TTC19: variants seen among roughly 807,000 people sequenced by gnomAD.
TTC19 encodes the protein tetratricopeptide repeat domain 19, also known as tetratricopeptide repeat protein 19, mitochondrial.
TTC19 carries 38 observed loss-of-function variants against 49.5 expected under a neutral mutation model. The ratio of observed to expected loss-of-function variants is 0.77; its 90% CI spans 0.59 to 1.01. TTC19 has a LOEUF of 1.01. TTC19 is among the 50% of genes least tolerant of loss of function. The pLI, the probability that TTC19 is intolerant of heterozygous loss-of-function variation, is 0.00. For missense variants in TTC19, 475 were observed against 477.7 expected, an observed-to-expected ratio of 0.99 and a Z score of 0.05; for synonymous variants, 204 against 185.2, an observed-to-expected ratio of 1.10 and a Z score of -0.83.
In TTC19 at chr17:16,003,834, G is replaced by T; in HGVS notation, c.466G>T (p.Glu156Ter). 2 of 1,613,742 alleles carry T rather than the reference G, an allele frequency of 1.2e-6. No individual in the cohort carries two copies. Among genetic ancestry groups the T allele is most frequent in the South Asian group, 2.2e-5 (2 of 90,996 alleles). The change falls in exon 5 of 10, where the codon GAA (glutamate) becomes TAA (stop). Residue 156 changes from glutamate to a stop codon, truncating the protein, a stop_gained. Transcript: ENST00000261647. LOFTEE classifies it high-confidence loss of function. ...AATCTTTTCCTTATGCTTTTAGGCTGAACAACTTTTTAAAGCAACAATGAG... is the reference window on the plus strand; with the variant it reads ...AATCTTTTCCTTATGCTTTTAGGCTTAACAACTTTTTAAAGCAACAATGAG... ...AFIRGQLENA[E>*]QLFKATMSYL...
chr17:16,003,845 T>G lies in TTC19; in HGVS notation c.477T>G (p.Phe159Leu). 6.2e-7 allele frequency: 1 copy of G among 1,613,988 alleles called. No homozygotes were observed. Among genetic ancestry groups the G allele is most frequent in the Non-Finnish European group, 8.5e-7 (1 of 1,179,918 alleles). ...TATGCTTTTAGGCTGAACAACTTTTTAAAGCAACAATGAGTTACCTCCTTG... is the reference window on the plus strand; with the variant it reads ...TATGCTTTTAGGCTGAACAACTTTTGAAAGCAACAATGAGTTACCTCCTTG... The part of the protein sequence containing the change: ...RGQLENAEQL[F>L]KATMSYLLGG... The change falls in exon 5 of 10, where the codon TTT becomes TTG. Residue 159 changes from phenylalanine (F) to leucine (L), a missense_variant. By Grantham distance (22) the Phe-to-Leu change is conservative (BLOSUM62 0). Coordinates refer to ENST00000261647, the MANE Select transcript of TTC19 (RefSeq NM_017775.4).
At chr17:16,008,243 A>G (rs901919532) in intron 7 of TTC19, among the ~76,000 whole-genome samples, 2 of 152,204 alleles carry the variant, frequency 1.3e-5, no homozygotes, top group Non-Finnish European at 2.9e-5. Flanking sequence ...ATGATTGCCC[A>G]CCCGACATCT....
chr17:16,002,719 G>A, intron 3 of TTC19, 74 bp from the exon 4 acceptor site: 3 of 1,442,078 alleles, frequency 2.1e-6, no homozygotes, highest in South Asian at 1.1e-5. Context: ...GAAAGCAAAA[G>A]GGAATTTTAA....
chr17:16,039,934 G>A, intron 2 of TTC19: 2 of 414,500 alleles, frequency 4.8e-6, no homozygotes, highest in Non-Finnish European at 9.0e-6. Context: ...GGGACTACAG[G>A]CACCCACCAC....
At chr17:16,004,102 CTG>C in intron 5 of TTC19, 97 bp from the exon 6 acceptor site, 6 of 1,272,096 alleles carry the variant, frequency 4.7e-6, no homozygotes, top group East Asian at 2.3e-5. Flanking sequence ...AGAATAAAGA[CTG>C]TGGCTTTGAG....
At chr17:16,029,456 C>G (rs1448252603), downstream of TTC19, 1 of 285,220 alleles carries the variant, frequency 3.5e-6, no homozygotes, top group Non-Finnish European at 6.9e-6. Context: ...TAGAATCACT[C>G]AGTGTACCAA....
In TTC19 at chr17:16,028,061, C is replaced by T; in HGVS notation, c.*539C>T. The T allele has an allele frequency of 2.2e-6, 1 of 454,082 alleles. No individual in the cohort carries two copies. Among genetic ancestry groups the T allele is most frequent in the Non-Finnish European group, 4.4e-6 (1 of 226,782 alleles). 28.1% of individuals were successfully genotyped at this position (454,082 alleles called of 1,614,324 possible). A position where few individuals can be genotyped will look rare whatever the true frequency, so the allele number is the denominator to read the frequency against. ...AAGAGAAAAATATCTTAGTTTGCTACCAGCATCCAGCATGAAGTTGTAAAG... is the reference window on the plus strand; with the variant it reads ...AAGAGAAAAATATCTTAGTTTGCTATCAGCATCCAGCATGAAGTTGTAAAG... On this transcript the variant is annotated 3_prime_UTR_variant, in exon 10 of 10. Coordinates refer to ENST00000261647, the MANE Select transcript of TTC19 (RefSeq NM_017775.4).
At chr17:16,000,274 C>G in intron 2 of TTC19, 29 bp downstream of exon 2, 2 of 1,592,552 alleles carry the variant, frequency 1.3e-6, no homozygotes, top group Non-Finnish European at 1.7e-6. Context: ...CTGCGCCCGG[C>G]CGAGCGCGGT....
intron 7 of TTC19, 139 bp downstream of exon 7, chr17:16,006,707 C>T (rs1970919554): frequency 3.2e-6 from 2 of 622,292 alleles, no homozygotes; most frequent in Non-Finnish European, 2.9e-6. Flanking sequence ...TTTAAGGTAT[C>T]AGCAGAAGTT....
In TTC19 at chr17:16,028,740, G is replaced by A. The variant is rs997565243; in HGVS notation, c.*1218G>A. On this transcript the variant is annotated 3_prime_UTR_variant, in exon 10 of 10. Coordinates refer to ENST00000261647, the MANE Select transcript of TTC19 (RefSeq NM_017775.4). ...ATAAACTGATACTTTTGGTTCGTAT[G>A]TACATACTGGAAGAATCTTCATAAT... 4.9e-6 allele frequency: 2 copies of A among 407,806 alleles called. No homozygotes were observed. The highest frequency in any genetic ancestry group is 9.4e-6 in the Non-Finnish European group (2 of 212,482). 25.3% of individuals were successfully genotyped at this position (407,806 alleles called of 1,614,324 possible).
intron 9 of TTC19, 25 bp downstream of exon 9, chr17:16,026,727 G>C: frequency 6.2e-7 from 1 of 1,613,136 alleles, no homozygotes; most frequent in East Asian, 2.2e-5. Context: ...AAACTTAACT[G>C]ACTTGCTTTA....
intron 7 of TTC19, among the ~76,000 whole-genome samples, chr17:16,018,845 AAAAGT>A (rs951858800): frequency 3.9e-5 from 6 of 152,212 alleles, no homozygotes; most frequent in African/African-American, 1.4e-4. Context: ...GATTTCAAAC[AAAAGT>A]AAAGTTTTGA....
downstream of TTC19, among the ~76,000 whole-genome samples, chr17:16,033,192 G>A (rs1263409239): frequency 2.6e-5 from 4 of 151,928 alleles, no homozygotes; most frequent in East Asian, 3.9e-4. Context: ...AAAATTAGCC[G>A]GGTGTGGTGG....
rs566188707 is a variant in TTC19 at position 16,018,996 on chromosome 17, AGTTTGGTTTT to A, written c.677-6015_677-6006del. Among the ~76,000 whole-genome samples the A allele has an allele frequency of 2.8e-3, 431 of 152,106 alleles. 3 individuals are homozygous for A. Among genetic ancestry groups the A allele is most frequent in the African/African-American group, 9.6e-3 (398 of 41,488 alleles). ...CTGCCTAGGGGTAGCTACTATCCTG[AGTTTGGTTTT>A]GTTTGCCTACTTATTGCACTTGTAT... On this transcript the variant is annotated intron_variant, in intron 7 of 9. Transcript: ENST00000261647.
At chr17:16,037,318 C>G (rs1189880129) in intron 2 of TTC19, among the ~76,000 whole-genome samples, 1 of 151,792 alleles carries the variant, frequency 6.6e-6, no homozygotes, top group African/African-American at 2.4e-5. Flanking sequence ...TGAGAATTAC[C>G]AAAATATGAC....
downstream of TTC19, among the ~76,000 whole-genome samples, chr17:16,033,640 C>T (rs977142444): frequency 9.0e-5 from 10 of 111,052 alleles, no homozygotes; most frequent in African/African-American, 2.7e-4. Flanking sequence ...CTCTAAAATT[C>T]GTAATATCCC....
exon 3 of TTC19, chr17:16,044,871 G>A: frequency 1.3e-6 from 1 of 777,878 alleles, no homozygotes; most frequent in Non-Finnish European, 2.2e-6. Context: ...CCACTCCACT[G>A]CTGCTGCTCC....
rs1971649181 is a variant in TTC19 at position 16,028,249 on chromosome 17, T to C, written c.*727T>C. 1 of 454,022 alleles carries C rather than the reference T, an allele frequency of 2.2e-6. No homozygotes were observed. The highest frequency in any genetic ancestry group is 4.4e-6 in the Non-Finnish European group (1 of 226,796). The allele number at this position is 454,022 out of a possible 1,614,324, so 28.1% of individuals were successfully genotyped here. A position where few individuals can be genotyped will look rare whatever the true frequency, so the allele number is the denominator to read the frequency against. On this transcript the variant is annotated 3_prime_UTR_variant, in exon 10 of 10. Coordinates refer to ENST00000261647, the MANE Select transcript of TTC19 (RefSeq NM_017775.4). ...TGTTATCTGAACACTCTACTTCCTT[T>C]GCAGCCTTAGTCACACAACTGAGTC...
downstream of TTC19, among the ~76,000 whole-genome samples, chr17:16,033,553 A>G (rs1972970348): frequency 6.6e-6 from 1 of 152,136 alleles, no homozygotes; most frequent in Non-Finnish European, 1.5e-5. Context: ...CTTACAGGGA[A>G]GGGCACATTT....
Sources: gnomAD v4.1 joint callset for allele counts (sites outside exome capture counted in the v4.1 genomes callset) on GRCh38, gnomAD v4.1.1 for gene constraint, MANE v1.5 for transcripts, NCBI Gene and HGNC (gene_info 2026-07-23, HGNC 2026-07-21) for gene names.